Variants in CFAP299 observed in about 807,000 individuals in gnomAD.
The protein encoded by CFAP299 is cilia- and flagella-associated protein 299.
In CFAP299, 21 loss-of-function variants were observed where a neutral mutation model predicts 27.0. The ratio of observed to expected loss-of-function variants is 0.78; its 90% confidence interval spans 0.55 to 1.12. The LOEUF (loss-of-function observed/expected upper bound fraction) is 1.12. CFAP299 is among the 50% of genes most tolerant of loss of function. CFAP299 has a pLI of 0.00. For missense variants in CFAP299, 310 were observed against 276.6 expected (o/e 1.12, Z -0.86); for synonymous variants, 104 against 98.1 (o/e 1.06, Z -0.36).
chr4:80,871,683 C>CT (rs1733105892), intron 4 of CFAP299: 2 of 965,894 alleles, frequency 2.1e-6, no homozygotes, highest in Non-Finnish European at 2.5e-6. Flanking sequence ...ATTATCTTAG[C>CT]AGCTTTGTTT....
chr4:80,352,334 G>T (rs1723058427), intron 1 of CFAP299, among the ~76,000 whole-genome samples: 1 of 152,158 alleles, frequency 6.6e-6, no homozygotes, highest in Admixed American at 6.6e-5. Context: ...TTGGGAGGCT[G>T]ATGTGGGTGA....
At chr4:80,378,183 T>C (rs934897280) in intron 2 of CFAP299, among the ~76,000 whole-genome samples, 1 of 152,214 alleles carries the variant, frequency 6.6e-6, no homozygotes, top group Non-Finnish European at 1.5e-5. Context: ...AGAAATTTCA[T>C]TTTTTAATGC....
chr4:80,582,937 C>A (rs1736242015), intron 2 of CFAP299, among the ~76,000 whole-genome samples, 156 bp from the exon 3 acceptor site: 1 of 151,686 alleles, frequency 6.6e-6, no homozygotes, highest in African/African-American at 2.4e-5. Context: ...TTACTATATA[C>A]AATTAAATTG....
At chr4:80,742,963 G>A (rs1419033952) in intron 3 of CFAP299, among the ~76,000 whole-genome samples, 1 of 152,204 alleles carries the variant, frequency 6.6e-6, no homozygotes, top group Non-Finnish European at 1.5e-5. Context: ...TTCATGTTAA[G>A]AAAAGGTGAT....
In CFAP299 at chr4:80,504,510, C is replaced by G. The variant is rs1253765835; in HGVS notation, c.243-78583C>G. On this transcript the variant is annotated intron_variant, in intron 2 of 5. Transcript: ENST00000358105. ...ATATATATATATATATATATATTTT[C>G]CTTTGAAAGAATGCAATGAATTCTT... Among the ~76,000 whole-genome samples the G allele has an allele frequency of 4.6e-4, 12 of 25,920 alleles. No individual in the cohort carries two copies. The Admixed American group carries it at 5.1e-3, about 11-fold the overall frequency. 17.0% of individuals were successfully genotyped at this position (25,920 alleles called of 152,430 possible). A position where few individuals can be genotyped will look rare whatever the true frequency, so the allele number is the denominator to read the frequency against.
intron 2 of CFAP299, among the ~76,000 whole-genome samples, chr4:80,494,491 A>T (rs988360483): frequency 6.6e-6 from 1 of 152,196 alleles, no homozygotes; most frequent in East Asian, 1.9e-4. Flanking sequence ...TCTTTGCACC[A>T]GTTATATTAG....
At chr4:80,482,111 G>A (rs911089856) in intron 2 of CFAP299, among the ~76,000 whole-genome samples, 1 of 151,780 alleles carries the variant, frequency 6.6e-6, no homozygotes, top group Non-Finnish European at 1.5e-5. Flanking sequence ...TGCACAGGTG[G>A]CAATTCTATC....
chr4:80,645,349 C>T (rs1739949066), intron 3 of CFAP299, among the ~76,000 whole-genome samples: 1 of 125,414 alleles, frequency 8.0e-6, no homozygotes, highest in African/African-American at 2.5e-5. Context: ...TACCTACCTT[C>T]TTTTAGCCTT....
chr4:80,333,940 T>G (rs937041431), upstream of CFAP299, among the ~76,000 whole-genome samples: 1 of 152,260 alleles, frequency 6.6e-6, no homozygotes, highest in Non-Finnish European at 1.5e-5. Flanking sequence ...AAAGTGGTTC[T>G]GAAGTTAAAT....
intron 2 of CFAP299, among the ~76,000 whole-genome samples, chr4:80,571,797 G>A (rs1351615870): frequency 2.0e-5 from 3 of 152,028 alleles, no homozygotes; most frequent in Non-Finnish European, 4.4e-5. Flanking sequence ...CAATCTGAAC[G>A]CCAGAAAGAG....
chr4:80,768,994 T>A (rs1256051807), intron 3 of CFAP299, among the ~76,000 whole-genome samples: 11 of 152,140 alleles, frequency 7.2e-5, no homozygotes, highest in Admixed American at 7.2e-4. Flanking sequence ...AAAGAAACCA[T>A]GTGAGGTGCA....
intron 2 of CFAP299, among the ~76,000 whole-genome samples, chr4:80,542,640 CTCTCTGCCAGTCCCTTCCAGAG>C (rs1218072170): frequency 6.6e-6 from 1 of 152,136 alleles, no homozygotes. Context: ...GCACTCCCTG[CTCTCTGCCAGTCCCTTCCAGAG>C]TCTCTGCCTG....
chr4:80,872,419 G>A (rs1277111321), intron 4 of CFAP299: 2 of 151,946 alleles, frequency 1.3e-5, no homozygotes, highest in South Asian at 4.2e-4. Context: ...TTCTTCTATA[G>A]AGAAAAACTT....
Position 80,416,423 on chromosome 4 carries a change from G to A in CFAP299, c.242+53539G>A, listed in dbSNP as rs1326426462. On this transcript the variant is annotated intron_variant, in intron 2 of 5. Transcript: ENST00000358105. ...CTCAAAGGTTTATAATTTAGAACATGTAGCTGAAAATGCATTAAAAGCAGA... is the reference window on the plus strand; with the variant it reads ...CTCAAAGGTTTATAATTTAGAACATATAGCTGAAAATGCATTAAAAGCAGA... 2.0e-5 allele frequency among the ~76,000 whole-genome samples: 3 copies of A among 152,152 alleles called. No homozygotes were observed. In the East Asian group the frequency reaches 5.8e-4, roughly 29 times the overall value.
At chr4:80,513,546 A>G (rs1278022587) in intron 2 of CFAP299, among the ~76,000 whole-genome samples, 2 of 152,118 alleles carry the variant, frequency 1.3e-5, no homozygotes, top group South Asian at 2.1e-4. Flanking sequence ...GTTACTATTC[A>G]GTAGAGAAAT....
intron 3 of CFAP299, among the ~76,000 whole-genome samples, chr4:80,773,367 A>T (rs1392190094): frequency 6.6e-6 from 1 of 152,096 alleles, no homozygotes; most frequent in Non-Finnish European, 1.5e-5. Flanking sequence ...CCAAAAAATG[A>T]TCTCTACTAA....
chr4:80,608,650 A>G (rs1160282146), intron 3 of CFAP299, among the ~76,000 whole-genome samples: 2 of 152,152 alleles, frequency 1.3e-5, no homozygotes, highest in Admixed American at 6.5e-5. Flanking sequence ...TAAAAAATCC[A>G]TACAACTCTT....
At chr4:80,406,732 T>C (rs989301110) in intron 2 of CFAP299, among the ~76,000 whole-genome samples, 3 of 152,116 alleles carry the variant, frequency 2.0e-5, no homozygotes, top group Non-Finnish European at 4.4e-5. Flanking sequence ...AATTTCAAAG[T>C]CCAATACTAG....
At chr4:80,802,171 T>C (rs977300477) in intron 3 of CFAP299, among the ~76,000 whole-genome samples, 2 of 152,076 alleles carry the variant, frequency 1.3e-5, no homozygotes, top group Non-Finnish European at 2.9e-5. Context: ...ACCTGGTGTA[T>C]TTTACAAAAG....
Sources: gnomAD v4.1 joint callset for allele counts (sites outside exome capture counted in the v4.1 genomes callset) on GRCh38, gnomAD v4.1.1 for gene constraint, MANE v1.5 for transcripts, NCBI Gene and HGNC (gene_info 2026-07-23, HGNC 2026-07-21) for gene names.